NUP210L: variants seen among roughly 807,000 people sequenced by gnomAD.
NUP210L encodes nuclear pore membrane glycoprotein 210-like.
In NUP210L, 74 loss-of-function variants were observed where a neutral mutation model predicts 208.5. The ratio of observed to expected loss-of-function variants is 0.35; its 90% CI spans 0.29 to 0.43. The LOEUF (loss-of-function observed/expected upper bound fraction) is 0.43, where lower values mean the gene tolerates loss of function less well. Among genes scored for constraint, NUP210L ranks in the 20% least tolerant of loss-of-function variants. The probability of loss-of-function intolerance (pLI) is 1.00; values close to 1 mark genes in which losing one functional copy is unlikely to be tolerated. For missense variants in NUP210L, 1,843 were observed against 2,289.4 expected (o/e 0.81, Z 3.98); for synonymous variants, 780 against 816.9 (o/e 0.95, Z 0.77).
chr1:154,019,217 A>G (rs974630484), intron 32 of NUP210L, 148 bp from the exon 33 acceptor site: 2 of 704,340 alleles, frequency 2.8e-6, no homozygotes, highest in Non-Finnish European at 4.6e-6. Context: ...CTGTTTTCTC[A>G]GTGTCAGGTT....
intron 12 of NUP210L, among the ~76,000 whole-genome samples, chr1:154,114,442 C>T (rs185645498): frequency 6.5e-4 from 99 of 152,178 alleles, no homozygotes; most frequent in South Asian, 3.9e-3. Context: ...CTTATCCAGT[C>T]CCAAAGCTTC....
intron 9 of NUP210L, 58 bp downstream of exon 9, chr1:154,127,253 A>G: frequency 1.3e-6 from 1 of 762,924 alleles, no homozygotes; most frequent in Admixed American, 2.6e-5. Context: ...GGTCCACTTT[A>G]CATCTTATGT....
intron 1 of NUP210L, among the ~76,000 whole-genome samples, chr1:154,153,105 T>A (rs186949865): frequency 4.6e-5 from 7 of 152,272 alleles, no homozygotes; most frequent in Admixed American, 2.0e-4. Flanking sequence ...CAATTTTTTT[T>A]AAAAGATTTT....
At chr1:154,024,954 G>A (rs1651782739) in intron 30 of NUP210L, among the ~76,000 whole-genome samples, 1 of 125,556 alleles carries the variant, frequency 8.0e-6, no homozygotes, top group South Asian at 2.7e-4. Context: ...TTTTGAGATG[G>A]AGTCTTGCTG....
intron 13 of NUP210L, among the ~76,000 whole-genome samples, chr1:154,102,804 TA>T (rs1304628028): frequency 1.3e-5 from 2 of 152,294 alleles, no homozygotes; most frequent in East Asian, 3.9e-4. Context: ...CCTTTTTCAA[TA>T]AATTGAATGT....
At chr1:154,114,010 G>A (rs976907906) in intron 12 of NUP210L, among the ~76,000 whole-genome samples, 2 of 151,950 alleles carry the variant, frequency 1.3e-5, no homozygotes, top group East Asian at 3.9e-4. Flanking sequence ...GGGCGTGGTA[G>A]TGGGCGCCTG....
intron 37 of NUP210L, among the ~76,000 whole-genome samples, chr1:153,999,237 A>G (rs1650068608): frequency 1.3e-5 from 2 of 152,178 alleles, no homozygotes; most frequent in African/African-American, 4.8e-5. Context: ...TGGGCGTGAC[A>G]AATACAATAT....
intron 29 of NUP210L, among the ~76,000 whole-genome samples, chr1:154,027,080 C>CAAAAAAAAA (rs59626984): frequency 2.7e-3 from 270 of 101,712 alleles, no homozygotes; most frequent in East Asian, 6.7e-3. Context: ...GAGACTGTCT[C>CAAAAAAAAA]AAAAAAAAAA....
intron 35 of NUP210L, among the ~76,000 whole-genome samples, chr1:154,006,966 A>ATATATT (rs1211789619): frequency 2.6e-5 from 3 of 115,786 alleles, no homozygotes; most frequent in African/African-American, 9.9e-5. Context: ...ATATATATAT[A>ATATATT]TTTTTTTTTT....
intron 15 of NUP210L, among the ~76,000 whole-genome samples, chr1:154,093,318 C>T (rs1182824349): frequency 1.3e-5 from 2 of 152,062 alleles, no homozygotes; most frequent in East Asian, 3.9e-4. Context: ...ATCCCAGTTA[C>T]TCAGGAGGCT....
intron 28 of NUP210L, among the ~76,000 whole-genome samples, chr1:154,028,644 T>TGGA (rs1652040205): frequency 6.6e-6 from 1 of 152,112 alleles, no homozygotes. Context: ...CTATGTCAGG[T>TGGA]GGAGTGGATC....
Position 154,058,250 on chromosome 1 carries a change from G to A in NUP210L, c.2980-34C>T. On this transcript the variant is annotated intron_variant, in intron 21 of 39. Transcript: ENST00000368559. ...TAAAAAGAAAAAGATTTTAGCAAAGGTGTCTCATTCACCAATGGCAGTCTA... is the reference window on the plus strand; with the variant it reads ...TAAAAAGAAAAAGATTTTAGCAAAGATGTCTCATTCACCAATGGCAGTCTA... 2 of 1,610,356 alleles carry A rather than the reference G, an allele frequency of 1.2e-6. 1 individual carries two copies. The highest frequency in any genetic ancestry group is 2.2e-5 in the South Asian group (2 of 90,598).
chr1:154,098,424 C>A (rs1296593030), intron 14 of NUP210L, among the ~76,000 whole-genome samples: 2 of 152,198 alleles, frequency 1.3e-5, no homozygotes, highest in African/African-American at 4.8e-5. Context: ...TCTTGTCCTG[C>A]ATCCAGGAAG....
intron 22 of NUP210L, among the ~76,000 whole-genome samples, chr1:154,057,353 TA>T (rs2147991854): frequency 6.6e-6 from 1 of 152,122 alleles, no homozygotes; most frequent in African/African-American, 2.4e-5. Context: ...TAACTCTGGT[TA>T]GGGGGAATTG....
chr1:154,072,737 G>A (rs1654821063), intron 16 of NUP210L, among the ~76,000 whole-genome samples: 2 of 152,042 alleles, frequency 1.3e-5, no homozygotes, highest in Admixed American at 1.3e-4. Flanking sequence ...AATGAAACTG[G>A]GTCCTCATCC....
intron 17 of NUP210L, among the ~76,000 whole-genome samples, chr1:154,066,869 A>G (rs1654448993): frequency 6.6e-6 from 1 of 152,168 alleles, no homozygotes; most frequent in African/African-American, 2.4e-5. Flanking sequence ...CTGGACACAT[A>G]CACCCTCCCA....
At chr1:154,023,556 C>T (rs1440087081) in intron 30 of NUP210L, among the ~76,000 whole-genome samples, 1 of 152,050 alleles carries the variant, frequency 6.6e-6, no homozygotes, top group Non-Finnish European at 1.5e-5. Flanking sequence ...TGACTCACTG[C>T]AACCTCTGCC....
intron 10 of NUP210L, among the ~76,000 whole-genome samples, chr1:154,125,636 A>G (rs1318528809): frequency 5.3e-3 from 4 of 752 alleles, no homozygotes; most frequent in South Asian, 0.05. Context: ...GAAGGAAGGA[A>G]GGAAGGAAGG....
chr1:154,117,875 C>T (rs572547633), exon 12 of NUP210L: 40 of 1,603,302 alleles, frequency 2.5e-5, no homozygotes, highest in Non-Finnish European at 3.3e-5. Context: ...CACTGCCACC[C>T]TCTACCTGTG....
Sources: allele counts gnomAD v4.1 joint callset (sites outside exome capture counted in the v4.1 genomes callset), GRCh38; gene constraint gnomAD v4.1.1; transcripts MANE v1.5; gene names NCBI Gene and HGNC (gene_info 2026-07-23, HGNC 2026-07-21).